Variants in FAM24B observed in about 807,000 individuals in gnomAD.
FAM24B encodes protein FAM24B.
A neutral mutation model predicts 2.3 loss-of-function variants in FAM24B; 3 were observed. That is an observed-to-expected ratio of 1.29 (90% CI 0.59 to 3.32). The LOEUF is 3.32. Ranked by LOEUF, FAM24B falls within the 30% of genes most tolerant of loss-of-function variation. The pLI is 0.03. For synonymous variants in FAM24B, 36 were observed against 46.3 expected (o/e 0.78, Z 0.90); for missense variants, 98 against 117.2 (o/e 0.84, Z 0.76).
At chr10:122,872,786 T>C (rs1464943221) in intron 1 of FAM24B, among the ~76,000 whole-genome samples, 1 of 151,150 alleles carries the variant, frequency 6.6e-6, no homozygotes, top group African/African-American at 2.4e-5. Flanking sequence ...GGGACTGTGG[T>C]GGGGTGGGAG....
At chr10:122,873,643 C>T (rs118054720) in intron 1 of FAM24B, among the ~76,000 whole-genome samples, 1,990 of 152,312 alleles carry the variant, frequency 0.013, 28 homozygotes, top group Non-Finnish European at 0.02. Context: ...CCATAGATAG[C>T]AATTTCTCAC....
intron 1 of FAM24B, among the ~76,000 whole-genome samples, chr10:122,859,141 G>C (rs1847687964): frequency 6.6e-6 from 1 of 152,108 alleles, no homozygotes; most frequent in African/African-American, 2.4e-5. Flanking sequence ...TCCACTTCTT[G>C]ATTCAGATGG....
chr10:122,876,981 AT>A (rs1427844362), intron 1 of FAM24B, among the ~76,000 whole-genome samples: 32 of 152,364 alleles, frequency 2.1e-4, no homozygotes, highest in Middle Eastern at 3.4e-3. Context: ...TACATATATG[AT>A]TCTACTCTAA....
chr10:122,873,471 T>C (rs974499623), intron 1 of FAM24B, among the ~76,000 whole-genome samples: 3 of 152,394 alleles, frequency 2.0e-5, no homozygotes, highest in African/African-American at 7.2e-5. Flanking sequence ...TGCTAACTGA[T>C]GCTTGGCCAG....
chr10:122,849,473 G>C lies in FAM24B; in HGVS notation c.93-34C>G, dbSNP rs770290707. The C allele has an allele frequency of 1.9e-6, 3 of 1,560,098 alleles. No homozygotes were observed. In the South Asian group the frequency reaches 3.7e-5, roughly 19 times the overall value. ...AAGACACACACAAAGCACAGGCTTA[G>C]AATTTTTCTTCTCAGCCCTTTTGTT... On this transcript the variant is annotated intron_variant, in intron 3 of 3. Transcript: ENST00000368898.
In FAM24B at chr10:122,855,165, A is replaced by C. The variant is rs567083073; in HGVS notation, c.-36+480T>G. 2.4e-4 allele frequency: 36 copies of C among 152,364 alleles called. 1 individual carries two copies. The highest frequency in any genetic ancestry group is 2.2e-3 in the Admixed American group (33 of 15,306). 9.4% of individuals were successfully genotyped at this position (152,364 alleles called of 1,614,324 possible). The stretch of plus-strand genomic sequence containing the variant: ...AACTGAATCTTTTATTCTCAGAGAA[A>C]TAAAGATTGTGGTGAACAATATGCA... On this transcript the variant is annotated intron_variant, in intron 2 of 3. Coordinates refer to ENST00000368898, the MANE Select transcript of FAM24B (RefSeq NM_152644.3).
intron 1 of FAM24B, among the ~76,000 whole-genome samples, chr10:122,877,082 T>C (rs2133844477): frequency 6.6e-6 from 1 of 152,356 alleles, no homozygotes; most frequent in Middle Eastern, 3.4e-3. Flanking sequence ...TTCAAAGATA[T>C]GCCTTATTCT....
intron 2 of FAM24B, among the ~76,000 whole-genome samples, chr10:122,853,961 C>G (rs540011907): frequency 6.6e-6 from 1 of 152,208 alleles, no homozygotes; most frequent in East Asian, 1.9e-4. Context: ...TTAAAGTTTG[C>G]TTTTTCAAGG....
intron 2 of FAM24B, chr10:122,855,429 C>T (rs986798253): frequency 2.6e-5 from 4 of 152,192 alleles, no homozygotes; most frequent in South Asian, 4.1e-4. Context: ...CAGTGCCTGT[C>T]TAGGTGATCC....
intron 1 of FAM24B, among the ~76,000 whole-genome samples, chr10:122,872,882 C>T (rs907730659): frequency 7.9e-5 from 12 of 151,952 alleles, no homozygotes; most frequent in East Asian, 1.9e-4. Flanking sequence ...CACATGTATA[C>T]GTATGTAACA....
intron 1 of FAM24B, among the ~76,000 whole-genome samples, chr10:122,871,960 C>T (rs1847904781): frequency 6.6e-6 from 1 of 152,124 alleles, no homozygotes; most frequent in South Asian, 2.1e-4. Context: ...AACTAAAGAG[C>T]TTCTGCACAG....
intron 1 of FAM24B, among the ~76,000 whole-genome samples, chr10:122,861,252 G>C (rs1847721655): frequency 1.3e-5 from 2 of 152,062 alleles, no homozygotes; most frequent in Admixed American, 1.3e-4. Flanking sequence ...CATCCAACTG[G>C]TTTACAAAAA....
At chr10:122,874,978 A>G (rs2133843017) in intron 1 of FAM24B, among the ~76,000 whole-genome samples, 1 of 152,306 alleles carries the variant, frequency 6.6e-6, no homozygotes, top group African/African-American at 2.4e-5. Context: ...CTGCTCTAAG[A>G]ACGGGTTTGG....
intron 1 of FAM24B, among the ~76,000 whole-genome samples, chr10:122,866,188 C>A (rs1319930013): frequency 6.6e-6 from 1 of 152,114 alleles, no homozygotes; most frequent in Admixed American, 6.6e-5. Flanking sequence ...AGGCATGAGC[C>A]ACTGCACCCG....
chr10:122,874,093 A>G (rs1295350076), intron 1 of FAM24B, among the ~76,000 whole-genome samples: 1 of 152,156 alleles, frequency 6.6e-6, no homozygotes, highest in African/African-American at 2.4e-5. Flanking sequence ...GTATTCTGCT[A>G]TTGTTGACGT....
intron 1 of FAM24B, among the ~76,000 whole-genome samples, chr10:122,862,266 A>G (rs57434034): frequency 0.011 from 1,662 of 152,314 alleles, 29 homozygotes; most frequent in African/African-American, 0.038. Flanking sequence ...TAGATTCTAA[A>G]CAGCAATTAT....
intron 1 of FAM24B, among the ~76,000 whole-genome samples, chr10:122,872,800 G>C (rs1342106525): frequency 1.3e-5 from 2 of 152,090 alleles, no homozygotes; most frequent in Admixed American, 6.6e-5. Context: ...GTGGGAGGAG[G>C]GGGGACGGAT....
intron 1 of FAM24B, among the ~76,000 whole-genome samples, chr10:122,873,577 A>T (rs750388598): frequency 6.6e-6 from 1 of 152,244 alleles, no homozygotes; most frequent in Admixed American, 6.5e-5. Flanking sequence ...ATCAAGGAGT[A>T]ATTTCAACTT....
chr10:122,850,354 A>T (rs968307182), intron 3 of FAM24B, 70 bp downstream of exon 3: 17 of 1,254,200 alleles, frequency 1.4e-5, no homozygotes, highest in Non-Finnish European at 2.0e-5. Context: ...TATCCCACTG[A>T]GGAAGTGCTA....
Sources: gnomAD v4.1 joint callset for allele counts (sites outside exome capture counted in the v4.1 genomes callset) on GRCh38, gnomAD v4.1.1 for gene constraint, MANE v1.5 for transcripts, NCBI Gene and HGNC (gene_info 2026-07-23, HGNC 2026-07-21) for gene names.